NAP1L1: variants seen among roughly 807,000 people sequenced by gnomAD.
NAP1L1 encodes the protein nucleosome assembly protein 1-like 1.
NAP1L1 carries 9 observed loss-of-function variants against 58.9 expected under a neutral mutation model. The observed-to-expected ratio is 0.15, with a 90% CI of 0.09 to 0.27. NAP1L1 has a LOEUF of 0.27. Among genes scored for constraint, NAP1L1 ranks in the 10% least tolerant of loss-of-function variants. The pLI is 1.00. For synonymous variants in NAP1L1, 130 were observed against 138.3 expected, an observed-to-expected ratio of 0.94 and a Z score of 0.42; for missense variants, 302 against 458.8, an observed-to-expected ratio of 0.66 and a Z score of 3.12.
At chr12:76,065,856 G>A (rs923285839) in intron 4 of NAP1L1, among the ~76,000 whole-genome samples, 25 of 151,824 alleles carry the variant, frequency 1.6e-4, no homozygotes, top group Admixed American at 1.6e-3. Flanking sequence ...AAGTATGAAA[G>A]GATGCAACCT....
chr12:76,072,184 G>C (rs1020981025), intron 2 of NAP1L1, among the ~76,000 whole-genome samples: 1 of 148,454 alleles, frequency 6.7e-6, no homozygotes, highest in Non-Finnish European at 1.5e-5. Flanking sequence ...AAGCATCCTA[G>C]ATTGAGACCA....
At chr12:76,061,132 C>G (rs1241687070) in intron 4 of NAP1L1, 1 of 349,454 alleles carries the variant, frequency 2.9e-6, no homozygotes, top group Non-Finnish European at 5.7e-6. Context: ...AAAGTTCATA[C>G]ACCATACAAT....
chr12:76,059,820 G>A lies in NAP1L1; in HGVS notation c.407C>T (p.Pro136Leu), dbSNP rs1949317978. The change falls in exon 6 of 15, where the codon CCA becomes CTA. Residue 136 changes from proline to leucine, a missense_variant. Transcript: ENST00000618691. ...AACCGAAATCTCATCTTCTTCATCT[G>A]GTTTCCATTCACATTCTTCTTCCGT... ...EPTEEECEWK[P>L]DEEDEISEEL... 2 of 1,603,340 alleles carry A rather than the reference G, an allele frequency of 1.2e-6. No homozygotes were observed. The highest frequency in any genetic ancestry group is 1.7e-6 in the Non-Finnish European group (2 of 1,176,018).
Position 76,047,650 on chromosome 12 carries a change from CAAAT to C in NAP1L1, c.*775_*778del, listed in dbSNP as rs964738693. The C allele has an allele frequency of 6.6e-6, 1 of 151,880 alleles. No homozygotes were observed. Among genetic ancestry groups the C allele is most frequent in the Non-Finnish European group, 1.5e-5 (1 of 67,868 alleles). 9.4% of individuals were successfully genotyped at this position (151,880 alleles called of 1,614,324 possible). Reference sequence around the variant, plus strand: ...AAAACAAAAACAAGCAAACAAACAACAAATAACTTGAAAATAGGCTTGTCAAATG... The same window carrying C: ...AAAACAAAAACAAGCAAACAAACAACAACTTGAAAATAGGCTTGTCAAATG... On this transcript the variant is annotated 3_prime_UTR_variant, in exon 15 of 15. Transcript: ENST00000618691.
At chr12:76,060,019 G>T in intron 5 of NAP1L1, 119 bp downstream of exon 5, 1 of 1,222,480 alleles carries the variant, frequency 8.2e-7, no homozygotes, top group Non-Finnish European at 1.1e-6. Flanking sequence ...TCCTCCAAGT[G>T]CTGCCTCTAA....
At position 76,062,154 on chromosome 12, in the gene NAP1L1, C is replaced by T. The variant is rs1189374941; in HGVS notation, c.207-1875G>A. Among the ~76,000 whole-genome samples the T allele has an allele frequency of 2.6e-5, 4 of 152,156 alleles. No individual in the cohort carries two copies. The East Asian group carries it at 5.8e-4, about 22-fold the overall frequency. Reference sequence around the variant, plus strand: ...CTTCACCCTTCACAAGAGCCCAATGCGAGGGTTGATGAAAGCTGCACGGTT... The same window carrying T: ...CTTCACCCTTCACAAGAGCCCAATGTGAGGGTTGATGAAAGCTGCACGGTT... On this transcript the variant is annotated intron_variant, in intron 4 of 14. Transcript: ENST00000618691.
chr12:76,077,296 T>C lies in NAP1L1; in HGVS notation c.-20-3057A>G, dbSNP rs967201555. On this transcript the variant is annotated intron_variant, in intron 1 of 14. Transcript: ENST00000618691. ...CTCTAACCTGCCCATTCTGGCTACA[T>C]TGTATTTCTTGGTTGTAAGATAGAC... 1.8e-4 allele frequency among the ~76,000 whole-genome samples: 28 copies of C among 152,238 alleles called. 2 individuals carry two copies. The highest frequency in any genetic ancestry group is 5.9e-5 in the Non-Finnish European group (4 of 68,046).
Position 76,042,736 on chromosome 12 carries a change from T to C in NAP1L1, c.*5693A>G, listed in dbSNP as rs1486932075. ...CCTGAAAGGCCCTAGAAATACCCTG[T>C]AAAGAGCATATTCAGCAACTGGACT... On this transcript the variant is annotated 3_prime_UTR_variant, in exon 15 of 15. Coordinates refer to ENST00000618691, the MANE Select transcript of NAP1L1 (RefSeq NM_004537.7). 2 of 152,170 alleles carry C rather than the reference T, an allele frequency of 1.3e-5. No individual in the cohort carries two copies. Among genetic ancestry groups the C allele is most frequent in the Non-Finnish European group, 2.9e-5 (2 of 68,022 alleles). 9.4% of individuals were successfully genotyped at this position (152,170 alleles called of 1,614,324 possible).
intron 4 of NAP1L1, 64 bp downstream of exon 4, chr12:76,067,306 TA>T: frequency 1.6e-6 from 2 of 1,242,082 alleles, no homozygotes; most frequent in Non-Finnish European, 1.2e-6. Context: ...TAGATGGTCT[TA>T]AAAATAGATA....
rs1324170551 is a variant in NAP1L1, at chr12:76,074,253, C to T, written c.-20-14G>A. ...AACTCCAAATATCTATGGAGAGAAA[C>T]ATCAATGTTAAAAAAAAAGTATATG... On this transcript the variant is annotated splice_polypyrimidine_tract_variant and intron_variant, in intron 1 of 14. Coordinates refer to ENST00000618691, the MANE Select transcript of NAP1L1 (RefSeq NM_004537.7). The T allele has an allele frequency of 6.4e-7, 1 of 1,555,198 alleles. No individual in the cohort carries two copies. Among genetic ancestry groups the T allele is most frequent in the Admixed American group, 2.1e-5 (1 of 47,050 alleles).
Position 76,055,023 on chromosome 12 carries a change from G to C in NAP1L1, c.626C>G (p.Pro209Arg), listed in dbSNP as rs753894554. The C allele has an allele frequency of 6.2e-7, 1 of 1,601,956 alleles. No homozygotes were observed. ...IKVKFSDAGQ[P>R]MSFVLEFHFE... ...AATATTTCAAAGTTCTTTTACCATA[G>C]GCTGGCCAGCATCTGAGAACTTCAC... Residue 209 changes from proline to arginine, a missense_variant, in exon 8 of 15, where the codon CCT (proline) becomes CGT (arginine). Pro to Arg is a moderately radical substitution (Grantham distance 103). Transcript: ENST00000618691.
rs567940034 is a variant in NAP1L1 at position 76,039,569 on chromosome 12, T to C, written c.*8860A>G. Reference sequence around the variant, plus strand: ...TATCTGAATATTGTTTAAAATGAAATCTAGATTAACTCTGGTCTCTAAAAT... The same window carrying C: ...TATCTGAATATTGTTTAAAATGAAACCTAGATTAACTCTGGTCTCTAAAAT... On this transcript the variant is annotated 3_prime_UTR_variant, in exon 15 of 15. Transcript: ENST00000618691. The C allele has an allele frequency of 5.9e-5, 9 of 152,288 alleles. No homozygotes were observed. The highest frequency in any genetic ancestry group is 2.2e-4 in the African/African-American group (9 of 41,548). The allele number at this position is 152,288 out of a possible 1,614,324, so 9.4% of individuals were successfully genotyped here. A position where few individuals can be genotyped will look rare whatever the true frequency, so the allele number is the denominator to read the frequency against.
At chr12:76,078,661 C>T (rs1646536321) in intron 1 of NAP1L1, among the ~76,000 whole-genome samples, 1 of 152,092 alleles carries the variant, frequency 6.6e-6, no homozygotes, top group Admixed American at 6.6e-5. Flanking sequence ...AGAAATAAAA[C>T]TAATGAATCA....
chr12:76,057,849 A>T, intron 6 of NAP1L1: 3 of 1,496,522 alleles, frequency 2.0e-6, no homozygotes, highest in Non-Finnish European at 2.7e-6. Context: ...GGGGTCAAAT[A>T]AAACAAAAAA....
intron 1 of NAP1L1, chr12:76,074,448 T>C (rs920599443): frequency 5.0e-6 from 4 of 799,344 alleles, no homozygotes; most frequent in Non-Finnish European, 6.1e-6. Flanking sequence ...TCAGAGGATA[T>C]TACTTAAAAC....
intron 8 of NAP1L1, among the ~76,000 whole-genome samples, chr12:76,054,784 T>G (rs1037573605): frequency 6.6e-6 from 1 of 152,216 alleles, no homozygotes; most frequent in African/African-American, 2.4e-5. Context: ...TCATGTTCCC[T>G]TGGCATTATT....
At chr12:76,051,081 C>T (rs986147761) in intron 11 of NAP1L1, among the ~76,000 whole-genome samples, 4 of 149,958 alleles carry the variant, frequency 2.7e-5, no homozygotes, top group African/African-American at 4.9e-5. Context: ...TTACTTTTTA[C>T]TTTCCATGAT....
At chr12:76,079,061 A>G (rs1340668009) in intron 1 of NAP1L1, among the ~76,000 whole-genome samples, 2 of 152,166 alleles carry the variant, frequency 1.3e-5, no homozygotes, top group East Asian at 3.8e-4. Flanking sequence ...AAGATAGCAA[A>G]AACAAATTCA....
At chr12:76,049,009 T>C in intron 14 of NAP1L1, 191 bp downstream of exon 14, 4 of 572,322 alleles carry the variant, frequency 7.0e-6, no homozygotes, top group East Asian at 2.9e-5. Flanking sequence ...AAAAACAATG[T>C]TTTTTAGAAA....
Sources: gnomAD v4.1 joint callset for allele counts (sites outside exome capture counted in the v4.1 genomes callset) on GRCh38, gnomAD v4.1.1 for gene constraint, MANE v1.5 for transcripts, NCBI Gene and HGNC (gene_info 2026-07-23, HGNC 2026-07-21) for gene names.